The following CD33 variants were observed in gnomAD, a reference collection of about 807,000 sequenced individuals.
The protein encoded by CD33 is CD33 molecule, also known as myeloid cell surface antigen CD33.
CD33 carries 25 observed loss-of-function variants against 31.4 expected under a neutral mutation model. That is an observed-to-expected ratio of 0.80 (90% CI 0.58 to 1.11). CD33 has a LOEUF of 1.11. Among genes scored for constraint, CD33 ranks in the 50% most tolerant of loss-of-function variants. CD33 has a pLI of 0.00. For synonymous variants in CD33, 176 were observed against 180.6 expected, an observed-to-expected ratio of 0.97 and a Z score of 0.20; for missense variants, 407 against 448.1, an observed-to-expected ratio of 0.91 and a Z score of 0.83.
chr19:51,230,046 T>C (rs1981298709), intron 4 of CD33, among the ~76,000 whole-genome samples: 1 of 152,150 alleles, frequency 6.6e-6, no homozygotes, highest in African/African-American at 2.4e-5. Context: ...CTGTGTCCCA[T>C]AGGTTTTGGT....
At chr19:51,222,600 C>T (rs1457925942), upstream of CD33, among the ~76,000 whole-genome samples, 3 of 152,168 alleles carry the variant, frequency 2.0e-5, no homozygotes, top group Non-Finnish European at 4.4e-5. Context: ...TATGCTGGGT[C>T]ATAGGATACA....
the CD33 span, among the ~76,000 whole-genome samples, chr19:51,212,506 C>T: frequency 1.3e-5 from 2 of 151,890 alleles, no homozygotes; most frequent in African/African-American, 4.8e-5. Flanking sequence ...CCCCCATGGC[C>T]ATCTGAACAC....
intron 4 of CD33, among the ~76,000 whole-genome samples, chr19:51,232,734 G>A (rs1981507975): frequency 6.6e-6 from 1 of 152,132 alleles, no homozygotes; most frequent in African/African-American, 2.4e-5. Flanking sequence ...CTCAGCTGTA[G>A]GAGTTCTGCT....
the CD33 span, chr19:51,212,106 G>A: frequency 4.8e-6 from 3 of 628,184 alleles, no homozygotes; most frequent in Non-Finnish European, 5.6e-6. Flanking sequence ...GTCCCTGAGG[G>A]TGTGATGGGG....
In CD33 at chr19:51,235,933, C is replaced by T. The variant is rs375287112; in HGVS notation, c.924+257C>T. Reference sequence around the variant, plus strand: ...CAGCACCTTTGGAGGCCAAGGCGGGCGGATCACGAGGTCAGGAGATTGAGA... The same window carrying T: ...CAGCACCTTTGGAGGCCAAGGCGGGTGGATCACGAGGTCAGGAGATTGAGA... On this transcript the variant is annotated intron_variant, in intron 6 of 6. Coordinates refer to ENST00000262262, the MANE Select transcript of CD33 (RefSeq NM_001772.4). 4.7e-4 allele frequency: 329 copies of T among 698,200 alleles called. 1 individual carries two copies. Among genetic ancestry groups the T allele is most frequent in the South Asian group, 1.6e-3 (104 of 67,038 alleles). The allele number at this position is 698,200 out of a possible 1,614,324, so 43.3% of individuals were successfully genotyped here. A position where few individuals can be genotyped will look rare whatever the true frequency, so the allele number is the denominator to read the frequency against.
At chr19:51,214,246 T>A in the CD33 span, among the ~76,000 whole-genome samples, 1 of 147,520 alleles carries the variant, frequency 6.8e-6, no homozygotes, top group Non-Finnish European at 1.5e-5. Flanking sequence ...TCACCCAGGC[T>A]GGAGTGCAAT....
the CD33 span, among the ~76,000 whole-genome samples, chr19:51,215,154 G>A: frequency 6.6e-6 from 1 of 152,088 alleles, no homozygotes; most frequent in South Asian, 2.1e-4. Context: ...AGTGTGTGGA[G>A]GGCAGGAGAC....
chr19:51,215,012 C>T, the CD33 span, among the ~76,000 whole-genome samples: 1 of 152,156 alleles, frequency 6.6e-6, no homozygotes, highest in African/African-American at 2.4e-5. Flanking sequence ...GAATCAACCT[C>T]ATCCCACTTT....
chr19:51,221,012 GCAA>G (rs762054743), upstream of CD33, among the ~76,000 whole-genome samples: 1 of 151,974 alleles, frequency 6.6e-6, no homozygotes, highest in Admixed American at 6.6e-5. Flanking sequence ...AACCACAACA[GCAA>G]CAACAACAAC....
intron 4 of CD33, among the ~76,000 whole-genome samples, chr19:51,234,097 G>T (rs931782694): frequency 2.6e-5 from 4 of 151,968 alleles, no homozygotes; most frequent in African/African-American, 9.7e-5. Context: ...AAATTGAGTG[G>T]AATCTTCTAG....
the CD33 span, among the ~76,000 whole-genome samples, chr19:51,214,731 G>C: frequency 6.6e-6 from 1 of 152,160 alleles, no homozygotes; most frequent in East Asian, 1.9e-4. Flanking sequence ...TTGGATACTA[G>C]ACCCTTACCA....
intron 4 of CD33, among the ~76,000 whole-genome samples, chr19:51,232,242 T>C (rs919200203): frequency 6.6e-6 from 1 of 152,260 alleles, no homozygotes; most frequent in Non-Finnish European, 1.5e-5. Context: ...CATTCTATCC[T>C]GGCCTATATA....
intron 6 of CD33, 46 bp downstream of exon 6, chr19:51,235,722 T>C: frequency 6.7e-7 from 1 of 1,491,078 alleles, no homozygotes; most frequent in South Asian, 1.2e-5. Flanking sequence ...TGCAGACACC[T>C]CCTCCCAATG....
chr19:51,211,102 C>T, the CD33 span: 17 of 1,568,216 alleles, frequency 1.1e-5, no homozygotes, highest in Middle Eastern at 1.7e-4. Context: ...AAGCCTCTGC[C>T]TCAGACATGC....
chr19:51,235,270 G>A lies in CD33; in HGVS notation c.842+17G>A, dbSNP rs768431560. On this transcript the variant is annotated intron_variant, in intron 5 of 6. Coordinates refer to ENST00000262262, the MANE Select transcript of CD33 (RefSeq NM_001772.4). Reference sequence around the variant, plus strand: ...CTTCTTCATGTGAGCATTTTCTCTGGGTCAGGCATGGGCCAGAGGTGAAGA... The same window carrying A: ...CTTCTTCATGTGAGCATTTTCTCTGAGTCAGGCATGGGCCAGAGGTGAAGA... The A allele has an allele frequency of 1.7e-5, 28 of 1,607,050 alleles. No individual in the cohort carries two copies. The highest frequency in any genetic ancestry group is 2.7e-5 in the African/African-American group (2 of 74,754).
chr19:51,226,210 C>T (rs1981018528), intron 3 of CD33, 99 bp from the exon 4 acceptor site: 1 of 1,506,800 alleles, frequency 6.6e-7, no homozygotes, highest in East Asian at 2.3e-5. Flanking sequence ...AGCCCTGTCC[C>T]TTCTGCATTT....
Position 51,226,330 on chromosome 19 carries a change from C to G in CD33, c.719C>G (p.Thr240Ser). 6.2e-7 allele frequency: 1 copy of G among 1,611,620 alleles called. No individual in the cohort carries two copies. ...CTAGATGTTCCACAGAACCCAACAA[C>G]TGGTATCTTTCCAGGAGATGGCTCA... ...NVTYVPQNPT[T>S]GIFPGDGSGK... is the part of the protein sequence containing the mutation. Residue 240 changes from threonine (T) to serine (S), a missense_variant, in exon 4 of 7, where the codon ACT becomes AGT. Transcript: ENST00000262262.
upstream of CD33, among the ~76,000 whole-genome samples, chr19:51,223,622 AGCC>A (rs1980793608): frequency 6.6e-6 from 1 of 152,214 alleles, no homozygotes; most frequent in African/African-American, 2.4e-5. Flanking sequence ...CCATATGATG[AGCC>A]TCTAAAAAAA....
At chr19:51,214,672 G>T in the CD33 span, among the ~76,000 whole-genome samples, 1 of 151,798 alleles carries the variant, frequency 6.6e-6, no homozygotes, top group Non-Finnish European at 1.5e-5. Flanking sequence ...TTTTTCATTG[G>T]ATAATTTCGG....
Sources: gnomAD v4.1 joint callset for allele counts (sites outside exome capture counted in the v4.1 genomes callset) on GRCh38, gnomAD v4.1.1 for gene constraint, MANE v1.5 for transcripts, NCBI Gene and HGNC (gene_info 2026-07-23, HGNC 2026-07-21) for gene names.